The following PCDH11X variants were observed in gnomAD, a reference collection of about 807,000 sequenced individuals.
PCDH11X encodes protocadherin 11 X-linked.
A neutral mutation model predicts 53.3 loss-of-function variants in PCDH11X; 18 were observed. The ratio of observed to expected loss-of-function variants is 0.34; its 90% CI spans 0.23 to 0.50. The LOEUF is 0.50. Ranked by LOEUF, PCDH11X falls within the 20% of genes least tolerant of loss-of-function variation. The pLI, the probability that PCDH11X is intolerant of heterozygous loss-of-function variation, is 0.98. For synonymous variants in PCDH11X, 279 were observed against 393.3 expected, an observed-to-expected ratio of 0.71 and a Z score of 3.44; for missense variants, 570 against 1,032.4, an observed-to-expected ratio of 0.55 and a Z score of 6.14.
intron 6 of PCDH11X, chrX:92,114,068 G>T: frequency 3.4e-6 from 4 of 1,172,940 alleles, no homozygotes; most frequent in Non-Finnish European, 4.6e-6. Flanking sequence ...ATACAGGCAT[G>T]ACAGGAGGCA....
chrX:92,451,752 A>G (rs756825721), intron 9 of PCDH11X, among the ~76,000 whole-genome samples: 2 of 112,152 alleles, frequency 1.8e-5, no homozygotes, highest in South Asian at 7.3e-4. Flanking sequence ...ATTTGTTTGT[A>G]GTTGACTGCT....
At chrX:92,186,874 T>C (rs909763342) in intron 6 of PCDH11X, among the ~76,000 whole-genome samples, 8 of 111,707 alleles carry the variant, frequency 7.2e-5, no homozygotes, top group African/African-American at 2.6e-4. Context: ...GTCATGAGTA[T>C]ACTAATTATC....
chrX:92,010,835 G>C (rs938245530), intron 6 of PCDH11X, among the ~76,000 whole-genome samples: 1 of 109,900 alleles, frequency 9.1e-6, no homozygotes, highest in Non-Finnish European at 1.9e-5. Context: ...CCCAAGTAGT[G>C]AGCACAGTAC....
intron 7 of PCDH11X, among the ~76,000 whole-genome samples, chrX:92,210,869 G>A (rs1236661186): frequency 9.0e-6 from 1 of 111,542 alleles, no homozygotes; most frequent in Non-Finnish European, 1.9e-5. Flanking sequence ...CTTCATCTGA[G>A]ACCACCTCAG....
intron 6 of PCDH11X, among the ~76,000 whole-genome samples, chrX:92,103,630 C>T (rs1386648886): frequency 8.9e-6 from 1 of 111,741 alleles, no homozygotes. Flanking sequence ...ACAGATGGGA[C>T]GTGGCTTAGG....
At chrX:92,459,750 G>T (rs944513684) in intron 9 of PCDH11X, 2 of 1,127,011 alleles carry the variant, frequency 1.8e-6, no homozygotes, top group South Asian at 1.9e-5. Context: ...GCGCCCGGCC[G>T]GTCAGCAGCG....
chrX:92,433,422 G>T (rs1367178060), intron 9 of PCDH11X, among the ~76,000 whole-genome samples: 2 of 110,185 alleles, frequency 1.8e-5, no homozygotes, highest in African/African-American at 6.6e-5. Context: ...TCACAGTGTG[G>T]ATCACTCACC....
chrX:92,564,145 G>A (rs2750531), intron 10 of PCDH11X, among the ~76,000 whole-genome samples: 4 of 111,077 alleles, frequency 3.6e-5, no homozygotes, highest in Non-Finnish European at 5.7e-5. Flanking sequence ...AAGATATTTC[G>A]TGTTCATGGA....
intron 10 of PCDH11X, among the ~76,000 whole-genome samples, chrX:92,603,625 G>A (rs1430880789): frequency 4.8e-5 from 5 of 104,133 alleles, no homozygotes; most frequent in Admixed American, 3.2e-4. Context: ...ACAAAGAGTC[G>A]TAAGAAAAAA....
At chrX:92,175,208 C>T (rs2065886324) in intron 6 of PCDH11X, among the ~76,000 whole-genome samples, 1 of 111,278 alleles carries the variant, frequency 9.0e-6, no homozygotes, top group Admixed American at 9.6e-5. Context: ...AACTCCCGAC[C>T]TCAGGTGATC....
chrX:92,565,056 A>C (rs949819420), intron 10 of PCDH11X, among the ~76,000 whole-genome samples: 47 of 111,088 alleles, frequency 4.2e-4, no homozygotes, highest in African/African-American at 1.5e-3. Context: ...AACACAAATT[A>C]GAATTATAAT....
At chrX:91,873,537 A>G (rs1248712695) in intron 5 of PCDH11X, among the ~76,000 whole-genome samples, 1 of 110,945 alleles carries the variant, frequency 9.0e-6, no homozygotes, top group Non-Finnish European at 1.9e-5. Context: ...GCCATTTCAC[A>G]TAAAGTAATT....
At chrX:92,589,232 A>G (rs949469432) in intron 10 of PCDH11X, among the ~76,000 whole-genome samples, 3 of 111,573 alleles carry the variant, frequency 2.7e-5, no homozygotes, top group Non-Finnish European at 5.6e-5. Flanking sequence ...GAAAATATTA[A>G]TAAGAAATCA....
intron 10 of PCDH11X, among the ~76,000 whole-genome samples, chrX:92,508,501 G>A (rs1474580464): frequency 3.6e-5 from 4 of 111,597 alleles, no homozygotes; most frequent in Non-Finnish European, 7.5e-5. Context: ...AATTACAGGC[G>A]TGAGCCACTG....
At chrX:92,518,733 T>C (rs1245425222) in intron 10 of PCDH11X, among the ~76,000 whole-genome samples, 1 of 106,117 alleles carries the variant, frequency 9.4e-6, no homozygotes, top group Non-Finnish European at 1.9e-5. Context: ...ACATTCACTA[T>C]GGCTTACCAA....
At chrX:91,882,465 T>C (rs1939957683) in intron 6 of PCDH11X, among the ~76,000 whole-genome samples, 1 of 111,371 alleles carries the variant, frequency 9.0e-6, no homozygotes, top group Non-Finnish European at 1.9e-5. Context: ...GTGAAGACTA[T>C]ACATTTTAAA....
At chrX:91,831,240 G>A (rs940779293) in intron 4 of PCDH11X, among the ~76,000 whole-genome samples, 1 of 110,603 alleles carries the variant, frequency 9.0e-6, no homozygotes, top group African/African-American at 3.3e-5. Flanking sequence ...TGCTGATAAA[G>A]GGCATCACTT....
chrX:92,480,399 G>A (rs1346236833), intron 10 of PCDH11X, among the ~76,000 whole-genome samples: 1 of 111,281 alleles, frequency 9.0e-6, no homozygotes, highest in Non-Finnish European at 1.9e-5. Context: ...GAGAGCTGGT[G>A]TGGTCATTTG....
chrX:92,016,691 G>A (rs1051411749), intron 6 of PCDH11X, among the ~76,000 whole-genome samples: 3 of 110,764 alleles, frequency 2.7e-5, no homozygotes, highest in South Asian at 3.8e-4. Flanking sequence ...GGAATGTTGC[G>A]GATGGTTTGA....
Sources: allele counts gnomAD v4.1 joint callset (sites outside exome capture counted in the v4.1 genomes callset), GRCh38; gene constraint gnomAD v4.1.1; transcripts MANE v1.5; gene names NCBI Gene and HGNC (gene_info 2026-07-23, HGNC 2026-07-21).